SNX13: variants seen among roughly 807,000 people sequenced by gnomAD.
The protein encoded by SNX13 is sorting nexin-13.
SNX13 carries 45 observed loss-of-function variants against 133.6 expected under a neutral mutation model. That is an observed-to-expected ratio of 0.34 (90% CI 0.27 to 0.43). The LOEUF is 0.43. SNX13 is among the 20% of genes least tolerant of loss of function. The probability of loss-of-function intolerance (pLI) is 1.00; values close to 1 mark genes in which losing one functional copy is unlikely to be tolerated. For missense variants in SNX13, 1,032 were observed against 1,145.1 expected, an observed-to-expected ratio of 0.90 and a Z score of 1.43; for synonymous variants, 414 against 373.9, an observed-to-expected ratio of 1.11 and a Z score of -1.24.
In SNX13 at chr7:17,918,410, T is replaced by C. The variant is rs545477388; in HGVS notation, c.13-20964A>G. ...ACAAAGGAATAATATCCAGAATCCGTAAGAAACTTAAGATGAATCAACAAG... is the reference window on the plus strand; with the variant it reads ...ACAAAGGAATAATATCCAGAATCCGCAAGAAACTTAAGATGAATCAACAAG... On this transcript the variant is annotated intron_variant, in intron 1 of 25. Coordinates refer to ENST00000428135, the MANE Select transcript of SNX13 (RefSeq NM_015132.5). Among the ~76,000 whole-genome samples the C allele has an allele frequency of 2.7e-5, 4 of 149,550 alleles. No homozygotes were observed. In the East Asian group the frequency reaches 5.9e-4, roughly 22 times the overall value.
intron 5 of SNX13, among the ~76,000 whole-genome samples, chr7:17,884,587 G>A (rs561995860): frequency 5.7e-4 from 87 of 152,218 alleles, no homozygotes; most frequent in African/African-American, 2.0e-3. Context: ...ATTGTTAATA[G>A]AGTTCCCACT....
rs76653492 is a variant in SNX13, at chr7:17,797,368, A to C, written c.2514-429T>G. ...TGCCATCCCACTCCTCTTATAATTA[A>C]GCCTACATAATACTAAATTCTAAGC... On this transcript the variant is annotated intron_variant, in intron 24 of 25. Coordinates refer to ENST00000428135, the MANE Select transcript of SNX13 (RefSeq NM_015132.5). 4.8e-3 allele frequency among the ~76,000 whole-genome samples: 731 copies of C among 151,988 alleles called. 6 individuals carry two copies. Among genetic ancestry groups the C allele is most frequent in the African/African-American group, 0.017 (708 of 41,530 alleles).
intron 20 of SNX13, among the ~76,000 whole-genome samples, chr7:17,810,238 A>C (rs1785849664): frequency 6.6e-6 from 1 of 152,184 alleles, no homozygotes; most frequent in South Asian, 2.1e-4. Context: ...ACTAATAAAG[A>C]AGAAAAGAGA....
At chr7:17,807,485 C>T (rs1785444092) in intron 20 of SNX13, among the ~76,000 whole-genome samples, 1 of 152,226 alleles carries the variant, frequency 6.6e-6, no homozygotes, top group Non-Finnish European at 1.5e-5. Context: ...ATAGATAAAA[C>T]TCCAATCTCC....
At chr7:17,913,760 C>CAAAAAAAAAAAAAAAA (rs71010278) in intron 1 of SNX13, among the ~76,000 whole-genome samples, 8 of 54,082 alleles carry the variant, frequency 1.5e-4, no homozygotes, top group Non-Finnish European at 2.2e-4. Context: ...TTAACAAAAA[C>CAAAAAAAAAAAAAAAA]AAAAAAAAAA....
intron 1 of SNX13, among the ~76,000 whole-genome samples, chr7:17,935,915 T>C (rs1801968601): frequency 6.6e-6 from 1 of 152,202 alleles, no homozygotes; most frequent in Non-Finnish European, 1.5e-5. Context: ...TACAAATATA[T>C]TAATCAACAA....
At chr7:17,850,986 A>C in intron 9 of SNX13, 22 bp from the exon 10 acceptor site, 1 of 1,587,938 alleles carries the variant, frequency 6.3e-7, no homozygotes, top group Non-Finnish European at 8.6e-7. Flanking sequence ...TTTAAGAAAA[A>C]CAGGTGGGAG....
At chr7:17,919,193 C>A (rs145141278) in intron 1 of SNX13, among the ~76,000 whole-genome samples, 93 of 152,252 alleles carry the variant, frequency 6.1e-4, no homozygotes, top group African/African-American at 2.2e-3. Flanking sequence ...CTCAGCAATG[C>A]ACAAAATACC....
intron 9 of SNX13, among the ~76,000 whole-genome samples, chr7:17,860,224 T>C (rs543195033): frequency 3.3e-5 from 5 of 152,216 alleles, no homozygotes; most frequent in Non-Finnish European, 5.9e-5. Context: ...TGGTTGTGAT[T>C]TGCATTTCCA....
At chr7:17,858,313 A>G (rs905160171) in intron 9 of SNX13, among the ~76,000 whole-genome samples, 2 of 152,172 alleles carry the variant, frequency 1.3e-5, no homozygotes, top group African/African-American at 4.8e-5. Flanking sequence ...TACAAAATCA[A>G]CATATAATAC....
At chr7:17,940,030 G>A (rs765810468) in intron 1 of SNX13, among the ~76,000 whole-genome samples, 2 of 152,218 alleles carry the variant, frequency 1.3e-5, no homozygotes, top group Non-Finnish European at 2.9e-5. Context: ...CAGCAGGAGG[G>A]AGACCAGTGC....
intron 1 of SNX13, among the ~76,000 whole-genome samples, chr7:17,915,613 G>A (rs951778639): frequency 7.3e-5 from 4 of 54,584 alleles, no homozygotes; most frequent in Non-Finnish European, 1.4e-4. Context: ...GTGTGTCTCT[G>A]TCTGTCTGTC....
intron 5 of SNX13, 185 bp downstream of exon 5, chr7:17,890,178 A>G: frequency 4.4e-6 from 2 of 454,770 alleles, no homozygotes. Flanking sequence ...GTAAAAACCT[A>G]AAATCTGGGG....
At chr7:17,870,889 T>C (rs986688437) in intron 8 of SNX13, among the ~76,000 whole-genome samples, 2 of 152,208 alleles carry the variant, frequency 1.3e-5, no homozygotes, top group African/African-American at 4.8e-5. Flanking sequence ...CAGGGAATTA[T>C]GAGGGAGATA....
chr7:17,859,144 G>A (rs1049542518), intron 9 of SNX13, among the ~76,000 whole-genome samples: 6 of 151,946 alleles, frequency 3.9e-5, no homozygotes, highest in African/African-American at 1.2e-4. Flanking sequence ...ATCACTGAAC[G>A]AGAAAAAATA....
At chr7:17,869,201 T>C (rs1793753086) in intron 8 of SNX13, among the ~76,000 whole-genome samples, 1 of 152,078 alleles carries the variant, frequency 6.6e-6, no homozygotes, top group Non-Finnish European at 1.5e-5. Context: ...TAACACTTGA[T>C]ATTTTCTCTG....
chr7:17,902,548 C>T (rs1797949461), intron 1 of SNX13, among the ~76,000 whole-genome samples: 1 of 151,958 alleles, frequency 6.6e-6, no homozygotes, highest in Admixed American at 6.6e-5. Flanking sequence ...GATCTAATGC[C>T]ACATAAAAAT....
chr7:17,822,328 C>T (rs1331746517), intron 17 of SNX13, among the ~76,000 whole-genome samples: 1 of 151,988 alleles, frequency 6.6e-6, no homozygotes, highest in Non-Finnish European at 1.5e-5. Flanking sequence ...AAATCATTTT[C>T]TCTAACTTGT....
Position 17,790,928 on chromosome 7 carries a change from GT to G in SNX13, c.*3116del, listed in dbSNP as rs1308600589. The G allele has an allele frequency of 1.3e-5, 2 of 152,138 alleles. No homozygotes were observed. The highest frequency in any genetic ancestry group is 4.8e-5 in the African/African-American group (2 of 41,560). The allele number at this position is 152,138 out of a possible 1,614,324, so 9.4% of individuals were successfully genotyped here. ...GTTAGGCACACAGTTGACACTTACT[GT>G]ACAATGATATGCACACATTATCTTT... On this transcript the variant is annotated 3_prime_UTR_variant, in exon 26 of 26. Coordinates refer to ENST00000428135, the MANE Select transcript of SNX13 (RefSeq NM_015132.5).
Sources: gnomAD v4.1 joint callset for allele counts (sites outside exome capture counted in the v4.1 genomes callset) on GRCh38, gnomAD v4.1.1 for gene constraint, MANE v1.5 for transcripts, NCBI Gene and HGNC (gene_info 2026-07-23, HGNC 2026-07-21) for gene names.